PHLDB3: variants seen among roughly 807,000 people sequenced by gnomAD.
PHLDB3 encodes pleckstrin homology-like domain family B member 3.
PHLDB3 carries 86 observed loss-of-function variants against 85.7 expected under a neutral mutation model. The observed-to-expected ratio is 1.00, with a 90% CI of 0.84 to 1.20. The LOEUF (loss-of-function observed/expected upper bound fraction) is 1.20. Among genes scored for constraint, PHLDB3 ranks in the 50% most tolerant of loss-of-function variants. The pLI is 0.00. For missense variants in PHLDB3, 995 were observed against 873.0 expected (o/e 1.14, Z -1.76); for synonymous variants, 376 against 349.8 (o/e 1.07, Z -0.83).
intron 13 of PHLDB3, among the ~76,000 whole-genome samples, chr19:43,483,698 A>G (rs1055389445): frequency 4.6e-5 from 7 of 152,198 alleles, no homozygotes; most frequent in Non-Finnish European, 1.0e-4. Flanking sequence ...AACAGGATAA[A>G]TTATTTGATT....
chr19:43,495,422 G>T, intron 7 of PHLDB3, 73 bp downstream of exon 7: 1 of 1,598,308 alleles, frequency 6.3e-7, no homozygotes. Context: ...AGACATCTGG[G>T]GTGCAGGGAG....
At position 43,486,636 on chromosome 19, in the gene PHLDB3, C is replaced by G; in HGVS notation, c.1401G>C (p.Ala467=). 1 of 1,613,786 alleles carries G rather than the reference C, an allele frequency of 6.2e-7. No homozygotes were observed. ...HMERLLQQAM[A]ERERLLKARE... Reference sequence around the variant, plus strand: ...GGGCCTTGAGCAGCCGCTCCCTCTCCGCCATGGCCTGCTGCAGGAGCCGCT... The same window carrying G: ...GGGCCTTGAGCAGCCGCTCCCTCTCGGCCATGGCCTGCTGCAGGAGCCGCT... The change falls in exon 12 of 16, where the codon GCG becomes GCC. Residue 467 remains alanine, a synonymous_variant. Coordinates refer to ENST00000292140, the MANE Select transcript of PHLDB3 (RefSeq NM_198850.4).
intron 1 of PHLDB3, 93 bp from the exon 2 acceptor site, chr19:43,504,225 C>G: frequency 1.7e-6 from 2 of 1,172,316 alleles, no homozygotes; most frequent in East Asian, 2.6e-5. Context: ...GACCCCCCCC[C>G]AAGGAGGCGG....
rs546970647 is a variant in PHLDB3, at chr19:43,502,228, G to A, written c.269C>T (p.Ser90Leu). ...MAATPPASTS[S>L]REGVRGAARR... is the part of the protein sequence containing the mutation. Reference sequence around the variant, plus strand: ...CGCCGCCCCTCGCACCCCTTCCCGCGAAGAGGTGGATGCGGGAGGTGTGGC... The same window carrying A: ...CGCCGCCCCTCGCACCCCTTCCCGCAAAGAGGTGGATGCGGGAGGTGTGGC... The change falls in exon 3 of 16, where the codon TCG (serine) becomes TTG (leucine). Residue 90 changes from serine (S) to leucine (L), a missense_variant. By Grantham distance (145) the Ser-to-Leu change is moderately radical. Transcript: ENST00000292140. 1.9e-6 allele frequency: 3 copies of A among 1,564,020 alleles called. No individual in the cohort carries two copies. Among genetic ancestry groups the A allele is most frequent in the East Asian group, 2.4e-5 (1 of 41,888 alleles).
chr19:43,475,264 G>C lies in PHLDB3; in HGVS notation c.*146C>G, dbSNP rs1250371857. The C allele has an allele frequency of 5.3e-5, 62 of 1,174,110 alleles. No homozygotes were observed. The highest frequency in any genetic ancestry group is 5.9e-4 in the Middle Eastern group (2 of 3,386). 72.7% of individuals were successfully genotyped at this position (1,174,110 alleles called of 1,614,324 possible). ...ACCCAGAACGCAGCAGCTCAGGCCA[G>C]CTGAACTGCCGCGCCTGCGGAATTC... On this transcript the variant is annotated 3_prime_UTR_variant, in exon 16 of 16. Coordinates refer to ENST00000292140, the MANE Select transcript of PHLDB3 (RefSeq NM_198850.4).
intron 14 of PHLDB3, among the ~76,000 whole-genome samples, 170 bp from the exon 15 acceptor site, chr19:43,478,302 T>C (rs1266369052): frequency 2.0e-5 from 3 of 151,956 alleles, no homozygotes. Context: ...TAACGCTGGA[T>C]GGGAGACTGG....
chr19:43,487,540 A>G (rs925837925), intron 9 of PHLDB3, among the ~76,000 whole-genome samples: 3 of 137,122 alleles, frequency 2.2e-5, no homozygotes, highest in Non-Finnish European at 4.6e-5. Context: ...GCGCCACTGT[A>G]CTCCAGCCTG....
intron 3 of PHLDB3, 94 bp from the exon 4 acceptor site, chr19:43,501,965 T>A (rs1457561297): frequency 6.7e-7 from 1 of 1,484,768 alleles, no homozygotes; most frequent in Admixed American, 2.3e-5. Flanking sequence ...GAGGATGGAC[T>A]CCAGGGACCT....
intron 13 of PHLDB3, among the ~76,000 whole-genome samples, chr19:43,483,021 G>A (rs1326892831): frequency 6.6e-6 from 1 of 152,142 alleles, no homozygotes; most frequent in Non-Finnish European, 1.5e-5. Context: ...GGTGGGGATT[G>A]TTATCTTGGT....
intron 1 of PHLDB3, 77 bp from the exon 2 acceptor site, chr19:43,504,209 C>A (rs1417790029): frequency 3.1e-6 from 4 of 1,292,770 alleles, no homozygotes; most frequent in African/African-American, 3.3e-5. Flanking sequence ...TGCTCCGGGG[C>A]GCGGAGACCC....
At position 43,475,397 on chromosome 19, in the gene PHLDB3, A is replaced by T; in HGVS notation, c.*13T>A. ...AGCCTCGAAGGGACTTCCCCCCAAG[A>T]GGGCGGGGCCACTCAGGGGGCGTGG... On this transcript the variant is annotated 3_prime_UTR_variant, in exon 16 of 16. Coordinates refer to ENST00000292140, the MANE Select transcript of PHLDB3 (RefSeq NM_198850.4). 2 of 1,612,602 alleles carry T rather than the reference A, an allele frequency of 1.2e-6. No individual in the cohort carries two copies. Among genetic ancestry groups the T allele is most frequent in the Non-Finnish European group, 1.7e-6 (2 of 1,178,946 alleles).
intron 13 of PHLDB3, among the ~76,000 whole-genome samples, chr19:43,480,824 G>A (rs1568473302): frequency 6.6e-6 from 1 of 152,132 alleles, no homozygotes; most frequent in Admixed American, 6.6e-5. Context: ...GACTCACCAG[G>A]TAGAGTGGTC....
chr19:43,494,624 C>A, intron 9 of PHLDB3, 78 bp downstream of exon 9: 1 of 1,193,522 alleles, frequency 8.4e-7, no homozygotes, highest in South Asian at 1.4e-5. Flanking sequence ...GACCCCAGTT[C>A]GGGGACTCTG....
At chr19:43,492,424 G>A (rs773554633) in intron 9 of PHLDB3, among the ~76,000 whole-genome samples, 2 of 151,636 alleles carry the variant, frequency 1.3e-5, no homozygotes, top group Admixed American at 6.6e-5. Flanking sequence ...TCACTCTGTC[G>A]CCCAGGTCTG....
intron 1 of PHLDB3, 31 bp downstream of exon 1, chr19:43,504,558 G>T: frequency 5.7e-6 from 1 of 176,704 alleles, no homozygotes; most frequent in Non-Finnish European, 1.2e-5. Context: ...CGACCCCACT[G>T]TGCAGGGCAA....
At chr19:43,487,234 G>T in intron 9 of PHLDB3, 111 bp from the exon 10 acceptor site, 1 of 844,834 alleles carries the variant, frequency 1.2e-6, no homozygotes, top group Non-Finnish European at 1.9e-6. Flanking sequence ...AAACACTACT[G>T]TCCATGTGCT....
chr19:43,490,211 T>TTGTGTAAGAGAA (rs1251350954), intron 9 of PHLDB3, among the ~76,000 whole-genome samples: 1 of 151,958 alleles, frequency 6.6e-6, no homozygotes, highest in East Asian at 1.9e-4. Flanking sequence ...GAGAATGGGC[T>TTGTGTAAGAGAA]TGACATTAGG....
rs900445915 is a variant in PHLDB3 at position 43,480,472 on chromosome 19, G to A, written c.1486-879C>T. On this transcript the variant is annotated intron_variant, in intron 13 of 15. Transcript: ENST00000292140. ...CTGGGCCTAGTGCTGCACACCTGTA[G>A]TTCCAGCTACTAAGGAGGCTGAGCC... is the stretch of plus-strand genomic sequence containing the variant. Among the ~76,000 whole-genome samples the A allele has an allele frequency of 4.6e-5, 7 of 151,824 alleles. No individual in the cohort carries two copies. In the South Asian group the frequency reaches 1.5e-3, roughly 32 times the overall value.
At chr19:43,494,673 T>C (rs780295689) in intron 9 of PHLDB3, 29 bp downstream of exon 9, 2 of 1,537,586 alleles carry the variant, frequency 1.3e-6, no homozygotes, top group Middle Eastern at 1.7e-4. Flanking sequence ...ATAAGATATA[T>C]GGGGAAACAG....
Sources: gnomAD v4.1 joint callset for allele counts (sites outside exome capture counted in the v4.1 genomes callset) on GRCh38, gnomAD v4.1.1 for gene constraint, MANE v1.5 for transcripts, NCBI Gene and HGNC (gene_info 2026-07-23, HGNC 2026-07-21) for gene names.